Variants in PCSK5 observed in about 807,000 individuals in gnomAD.
PCSK5 encodes proprotein convertase subtilisin/kexin type 5.
In PCSK5, 129 loss-of-function variants were observed where a neutral mutation model predicts 233.2. That is an observed-to-expected ratio of 0.55 (90% CI 0.48 to 0.64). The LOEUF is 0.64. PCSK5 is among the 30% of genes least tolerant of loss of function. The pLI, the probability that PCSK5 is intolerant of heterozygous loss-of-function variation, is 0.00. For missense variants in PCSK5, 2,076 were observed against 2,430.1 expected, an observed-to-expected ratio of 0.85 and a Z score of 3.06; for synonymous variants, 825 against 879.2, an observed-to-expected ratio of 0.94 and a Z score of 1.09.
At chr9:76,224,798 C>A (rs912812960) in intron 20 of PCSK5, among the ~76,000 whole-genome samples, 1 of 152,062 alleles carries the variant, frequency 6.6e-6, no homozygotes, top group South Asian at 2.1e-4. Context: ...TTTATGAAAG[C>A]CAATGAGAAG....
intron 20 of PCSK5, among the ~76,000 whole-genome samples, chr9:76,223,414 A>G (rs1280185727): frequency 6.6e-6 from 1 of 152,232 alleles, no homozygotes; most frequent in African/African-American, 2.4e-5. Context: ...GGAAGACTTT[A>G]TAATGTTTGC....
intron 24 of PCSK5, chr9:76,287,812 A>G (rs781061012): frequency 1.9e-5 from 4 of 212,796 alleles, no homozygotes; most frequent in Non-Finnish European, 3.0e-5. Context: ...TGGGCAGGCC[A>G]TGCTCCAGGT....
At chr9:75,977,264 G>A (rs948650359) in intron 2 of PCSK5, among the ~76,000 whole-genome samples, 1 of 151,988 alleles carries the variant, frequency 6.6e-6, no homozygotes, top group Non-Finnish European at 1.5e-5. Context: ...TGCAGGATGT[G>A]CAGCTTTGTT....
Position 75,900,307 on chromosome 9 carries a change from T to C in PCSK5, c.192+8934T>C, listed in dbSNP as rs192882101. ...AAGAGTGATCCCCGCATACAATTGT[T>C]GTGAGGATGAGTTAAAAGTAGCTAG... is the stretch of plus-strand genomic sequence containing the variant. On this transcript the variant is annotated intron_variant, in intron 1 of 37. Coordinates refer to ENST00000674117, the MANE Select transcript of PCSK5 (RefSeq NM_001372043.1). Among the ~76,000 whole-genome samples the C allele has an allele frequency of 6.1e-4, 93 of 152,280 alleles. 1 individual carries two copies. In the East Asian group the frequency reaches 0.013, roughly 21 times the overall value.
chr9:76,261,721 C>T (rs376159220), intron 24 of PCSK5, among the ~76,000 whole-genome samples: 3 of 152,156 alleles, frequency 2.0e-5, no homozygotes, highest in Non-Finnish European at 4.4e-5. Context: ...AGGTCCTTCA[C>T]GTCCCTTGTA....
At chr9:76,125,835 G>A (rs1016972814) in intron 9 of PCSK5, among the ~76,000 whole-genome samples, 12 of 152,206 alleles carry the variant, frequency 7.9e-5, no homozygotes, top group Admixed American at 6.5e-4. Context: ...TTTTCCGAAT[G>A]GTTGCTGCAG....
chr9:75,986,272 A>G (rs943675121), intron 3 of PCSK5, 27 bp downstream of exon 3: 2 of 1,320,874 alleles, frequency 1.5e-6, no homozygotes, highest in Admixed American at 1.7e-5. Context: ...AGCCTGGCCT[A>G]GGGCCATGTC....
At chr9:75,941,565 C>T (rs1326487306) in intron 2 of PCSK5, among the ~76,000 whole-genome samples, 9 of 152,138 alleles carry the variant, frequency 5.9e-5, no homozygotes, top group Admixed American at 5.2e-4. Context: ...ACAGCTCTCT[C>T]GTTTCTGGCT....
chr9:75,967,142 G>C (rs1009750137), intron 2 of PCSK5, among the ~76,000 whole-genome samples: 4 of 151,954 alleles, frequency 2.6e-5, no homozygotes, highest in Non-Finnish European at 5.9e-5. Flanking sequence ...TTAGGTTCAG[G>C]GGGTGAATGT....
intron 5 of PCSK5, among the ~76,000 whole-genome samples, chr9:76,064,457 G>C (rs112220641): frequency 7.1e-6 from 1 of 141,292 alleles, no homozygotes; most frequent in Non-Finnish European, 1.5e-5. Context: ...CGGGCGGGGG[G>C]GCTGACCCCC....
chr9:75,989,121 C>A (rs934187461), intron 3 of PCSK5, among the ~76,000 whole-genome samples: 29 of 152,268 alleles, frequency 1.9e-4, no homozygotes, highest in African/African-American at 7.0e-4. Context: ...TAGGACAGAA[C>A]GAGTCAGGAC....
At chr9:76,117,384 G>C (rs1832469270) in intron 9 of PCSK5, among the ~76,000 whole-genome samples, 1 of 152,144 alleles carries the variant, frequency 6.6e-6, no homozygotes, top group African/African-American at 2.4e-5. Context: ...TAGAGGGATT[G>C]ATGGTAGGGT....
chr9:76,218,938 C>T (rs114403327), intron 20 of PCSK5, among the ~76,000 whole-genome samples: 24 of 152,342 alleles, frequency 1.6e-4, no homozygotes, highest in African/African-American at 5.3e-4. Flanking sequence ...GGCAGCCCAA[C>T]GAATCAAATG....
At chr9:75,943,086 T>C (rs938835636) in intron 2 of PCSK5, among the ~76,000 whole-genome samples, 29 of 152,042 alleles carry the variant, frequency 1.9e-4, no homozygotes, top group African/African-American at 6.5e-4. Context: ...GGTTTCGCCA[T>C]GTTGGCCAGG....
intron 33 of PCSK5, 85 bp from the exon 34 acceptor site, chr9:76,332,348 C>A: frequency 1.0e-6 from 1 of 969,098 alleles, no homozygotes; most frequent in Non-Finnish European, 1.6e-6. Flanking sequence ...TCTCCTCCCT[C>A]CCGCCATGGT....
intron 33 of PCSK5, among the ~76,000 whole-genome samples, chr9:76,330,317 GA>G (rs1205944477): frequency 2.0e-5 from 3 of 152,120 alleles, no homozygotes; most frequent in African/African-American, 7.2e-5. Flanking sequence ...ATGGGAGAAA[GA>G]AAATGAAACA....
At chr9:75,942,978 G>A (rs751251118) in intron 2 of PCSK5, among the ~76,000 whole-genome samples, 49 of 147,866 alleles carry the variant, frequency 3.3e-4, no homozygotes, top group Admixed American at 7.0e-4. Flanking sequence ...TCTGCCTTCC[G>A]GGTTCCAGCT....
chr9:76,288,765 T>G (rs1828166680), intron 24 of PCSK5, among the ~76,000 whole-genome samples: 1 of 152,334 alleles, frequency 6.6e-6, no homozygotes, highest in Non-Finnish European at 1.5e-5. Context: ...TCCACTTGTA[T>G]GTATCCTGAA....
rs1238031590 is a variant in PCSK5 at position 76,310,679 on chromosome 9, T to G, written c.3712T>G (p.Cys1238Gly). 1 of 1,593,880 alleles carries G rather than the reference T, an allele frequency of 6.3e-7. No individual in the cohort carries two copies. The highest frequency in any genetic ancestry group is 8.5e-7 in the Non-Finnish European group (1 of 1,172,834). Residue 1238 changes from cysteine to glycine, a missense_variant, in exon 30 of 38, where the codon TGT (cysteine) becomes GGT (glycine). Cys to Gly is a radical substitution (Grantham distance 159). Around this residue, in one of 6 missense-constraint regions of PCSK5, gnomAD observed 1,510 missense variants for 1,538.1 expected, o/e 0.98. Transcript: ENST00000674117. ...AGGTGCATATCTTCTGGCTCAGGCCTGTGTTTCCTCCTGTCCCCAAGGCAC... is the reference window on the plus strand; with the variant it reads ...AGGTGCATATCTTCTGGCTCAGGCCGGTGTTTCCTCCTGTCCCCAAGGCAC... ...PKGAYLLAQA[C>G]VSSCPQGTWP... is the part of the protein sequence containing the mutation.
Sources: gnomAD v4.1 joint callset for allele counts (sites outside exome capture counted in the v4.1 genomes callset) on GRCh38, gnomAD v4.1.1 for gene constraint, gnomAD v4.1.1 regional missense constraint, MANE v1.5 for transcripts, NCBI Gene and HGNC (gene_info 2026-07-23, HGNC 2026-07-21) for gene names.